UNC13C: variants seen among roughly 807,000 people sequenced by gnomAD.
The protein encoded by UNC13C is protein unc-13 homolog C.
Under a neutral mutation model 245.4 loss-of-function variants are expected in UNC13C, and 174 were observed. That is an observed-to-expected ratio of 0.71 (90% CI 0.63 to 0.80). The LOEUF (loss-of-function observed/expected upper bound fraction) is 0.80. Among genes scored for constraint, UNC13C ranks in the 30% least tolerant of loss-of-function variants. The probability of loss-of-function intolerance (pLI) is 0.00; values close to 1 mark genes in which losing one functional copy is unlikely to be tolerated. For synonymous variants in UNC13C, 992 were observed against 895.1 expected (o/e 1.11, Z -1.93); for missense variants, 2,829 against 2,602.9 (o/e 1.09, Z -1.89).
chr15:54,407,305 C>G (rs1473615040), intron 18 of UNC13C, among the ~76,000 whole-genome samples: 2 of 151,978 alleles, frequency 1.3e-5, no homozygotes, highest in African/African-American at 2.4e-5. Flanking sequence ...GAGGCAAATT[C>G]CATAGGTAGA....
chr15:54,091,938 G>A (rs945916078), intron 2 of UNC13C, among the ~76,000 whole-genome samples: 2 of 151,792 alleles, frequency 1.3e-5, no homozygotes, highest in Admixed American at 1.3e-4. Flanking sequence ...TCTTTTCTTA[G>A]TATTTTTTCA....
At chr15:53,940,870 TG>T in the UNC13C span, among the ~76,000 whole-genome samples, 12 of 152,304 alleles carry the variant, frequency 7.9e-5, no homozygotes, top group South Asian at 1.5e-3. Context: ...ATCAATGTCA[TG>T]AAAATGGCCT....
intron 17 of UNC13C, among the ~76,000 whole-genome samples, chr15:54,359,999 T>C (rs79770893): frequency 0.015 from 2,300 of 151,982 alleles, 69 homozygotes; most frequent in African/African-American, 0.053. Flanking sequence ...ATCTCATAGG[T>C]TTGGGTATGC....
chr15:54,205,959 C>T (rs772475149), intron 4 of UNC13C, among the ~76,000 whole-genome samples: 5 of 151,994 alleles, frequency 3.3e-5, no homozygotes, highest in Non-Finnish European at 7.4e-5. Flanking sequence ...GCACACATTT[C>T]TCTAGCTGAA....
intron 4 of UNC13C, among the ~76,000 whole-genome samples, chr15:54,206,260 C>T (rs2034704610): frequency 6.6e-6 from 1 of 152,016 alleles, no homozygotes; most frequent in Non-Finnish European, 1.5e-5. Context: ...TCACTTACAA[C>T]CCATTATCGC....
the UNC13C span, among the ~76,000 whole-genome samples, chr15:53,970,483 A>G: frequency 1.3e-5 from 2 of 152,192 alleles, no homozygotes; most frequent in African/African-American, 4.8e-5. Context: ...GGCTATTGTG[A>G]ATAATATGGC....
chr15:54,145,971 A>G (rs1167263691), intron 4 of UNC13C, among the ~76,000 whole-genome samples: 1 of 152,166 alleles, frequency 6.6e-6, no homozygotes, highest in Non-Finnish European at 1.5e-5. Context: ...GCCTCTTTCA[A>G]CGACTTTCTA....
intron 4 of UNC13C, among the ~76,000 whole-genome samples, chr15:54,186,210 C>G (rs1423709572): frequency 6.6e-6 from 1 of 152,138 alleles, no homozygotes; most frequent in Non-Finnish European, 1.5e-5. Context: ...ATCATGTCAT[C>G]TGCAAACAGG....
At chr15:54,425,265 A>G (rs1256326619) in intron 19 of UNC13C, among the ~76,000 whole-genome samples, 2 of 151,848 alleles carry the variant, frequency 1.3e-5, no homozygotes. Flanking sequence ...ACCCCAAATC[A>G]CTGCTCTGGC....
chr15:54,474,299 G>A (rs542271135), intron 19 of UNC13C, among the ~76,000 whole-genome samples: 1 of 152,030 alleles, frequency 6.6e-6, no homozygotes, highest in East Asian at 1.9e-4. Flanking sequence ...TACCAAGAGT[G>A]TAAGAGTTCT....
chr15:53,992,593 C>T (rs549636758), intron 1 of UNC13C, among the ~76,000 whole-genome samples: 12 of 152,174 alleles, frequency 7.9e-5, no homozygotes, highest in Admixed American at 2.6e-4. Context: ...TGTCCTATCC[C>T]GTGACTCACA....
chr15:54,179,639 C>T (rs1897047), intron 4 of UNC13C, among the ~76,000 whole-genome samples: 69,608 of 151,620 alleles, frequency 0.46, 16,213 homozygotes, highest in East Asian at 0.58. Context: ...TGAGCTACAG[C>T]GAGAAATTCA....
intron 4 of UNC13C, among the ~76,000 whole-genome samples, chr15:54,184,730 A>G (rs374332150): frequency 2.6e-5 from 4 of 152,112 alleles, no homozygotes; most frequent in Admixed American, 6.6e-5. Context: ...ATAAACATAC[A>G]TGTGCATGTG....
chr15:54,327,708 G>C lies in UNC13C; in HGVS notation c.4426-4335G>C, dbSNP rs1260637354. Among the ~76,000 whole-genome samples the C allele has an allele frequency of 4.6e-5, 7 of 152,126 alleles. No homozygotes were observed. In the East Asian group the frequency reaches 1.4e-3, roughly 30 times the overall value. ...TGATAGTGGGGAGGTTGATCAATGGGATGTAACCAGTGCACTGAGTAATTT... is the reference window on the plus strand; with the variant it reads ...TGATAGTGGGGAGGTTGATCAATGGCATGTAACCAGTGCACTGAGTAATTT... On this transcript the variant is annotated intron_variant, in intron 14 of 32. Transcript: ENST00000260323.
chr15:54,093,522 T>C (rs538176840), intron 2 of UNC13C, among the ~76,000 whole-genome samples: 1 of 152,354 alleles, frequency 6.6e-6, no homozygotes, highest in South Asian at 2.1e-4. Context: ...TCTTGAGCAG[T>C]TTAATGAGAA....
At chr15:54,084,036 G>A (rs1897016) in intron 2 of UNC13C, among the ~76,000 whole-genome samples, 71,177 of 152,094 alleles carry the variant, frequency 0.47, 18,664 homozygotes, top group Non-Finnish European at 0.6. Context: ...CAACAGTTTG[G>A]CAGGCAGCAG....
chr15:54,608,295 A>T (rs898582104), intron 30 of UNC13C, among the ~76,000 whole-genome samples: 1 of 152,346 alleles, frequency 6.6e-6, no homozygotes, highest in Non-Finnish European at 1.5e-5. Context: ...TGTAATTTCA[A>T]CCAGTGTCAC....
chr15:53,941,109 A>G, the UNC13C span, among the ~76,000 whole-genome samples: 1 of 152,182 alleles, frequency 6.6e-6, no homozygotes, highest in Non-Finnish European at 1.5e-5. Context: ...AAACAGACAC[A>G]TAGACCAATG....
intron 2 of UNC13C, among the ~76,000 whole-genome samples, chr15:54,018,152 T>A (rs751412893): frequency 5.3e-5 from 8 of 152,158 alleles, no homozygotes; most frequent in Non-Finnish European, 1.2e-4. Context: ...CAGGCCCCTT[T>A]CCTGCTCAGA....
Sources: allele counts gnomAD v4.1 joint callset (sites outside exome capture counted in the v4.1 genomes callset), GRCh38; gene constraint gnomAD v4.1.1; transcripts MANE v1.5; gene names NCBI Gene and HGNC (gene_info 2026-07-23, HGNC 2026-07-21).